The following LMNTD1 variants were observed in gnomAD, a reference collection of about 807,000 sequenced individuals.
The protein encoded by LMNTD1 is lamin tail domain-containing protein 1.
A neutral mutation model predicts 50.9 loss-of-function variants in LMNTD1; 35 were observed. That is an observed-to-expected ratio of 0.69 (90% CI 0.53 to 0.91). The LOEUF (loss-of-function observed/expected upper bound fraction) is 0.91, where lower values mean the gene tolerates loss of function less well. Ranked by LOEUF, LMNTD1 falls within the 40% of genes least tolerant of loss-of-function variation. The pLI, the probability that LMNTD1 is intolerant of heterozygous loss-of-function variation, is 0.00. For missense variants in LMNTD1, 470 were observed against 475.5 expected, an observed-to-expected ratio of 0.99 and a Z score of 0.11; for synonymous variants, 153 against 161.9, an observed-to-expected ratio of 0.94 and a Z score of 0.42.
upstream of LMNTD1, among the ~76,000 whole-genome samples, chr12:25,555,066 A>T (rs1188753123): frequency 7.5e-6 from 1 of 132,718 alleles, no homozygotes; most frequent in East Asian, 2.1e-4. Flanking sequence ...CTCCGTCATT[A>T]AAAAAAAAAA....
At chr12:25,480,848 C>T (rs915996264) in intron 9 of LMNTD1, among the ~76,000 whole-genome samples, 5 of 152,182 alleles carry the variant, frequency 3.3e-5, no homozygotes, top group African/African-American at 2.4e-5. Flanking sequence ...TGTGGGTCAA[C>T]CATGAGGTAA....
intron 8 of LMNTD1, among the ~76,000 whole-genome samples, chr12:25,515,698 C>CATA (rs1380002665): frequency 6.6e-6 from 1 of 152,048 alleles, no homozygotes; most frequent in African/African-American, 2.4e-5. Context: ...ATGTGTTCAG[C>CATA]ATGAGTTGGA....
intron 1 of LMNTD1, among the ~76,000 whole-genome samples, chr12:25,611,456 AGGAAGTTTGTCCACACTGGAATC>A (rs1169148458): frequency 1.3e-5 from 2 of 152,212 alleles, no homozygotes; most frequent in Non-Finnish European, 2.9e-5. Context: ...ACTAGGATGA[AGGAAGTTTGTCCACACTGGAATC>A]CTCGACTATG....
intron 1 of LMNTD1, among the ~76,000 whole-genome samples, chr12:25,629,782 G>C (rs1177671198): frequency 6.6e-6 from 1 of 152,124 alleles, no homozygotes; most frequent in African/African-American, 2.4e-5. Flanking sequence ...CAAAATGGCA[G>C]ACCAGGTAGA....
chr12:25,481,043 C>A (rs1043950519), intron 9 of LMNTD1, among the ~76,000 whole-genome samples: 2 of 150,266 alleles, frequency 1.3e-5, no homozygotes, highest in African/African-American at 5.0e-5. Context: ...CCCAGTTATA[C>A]CCCCCTCTTA....
chr12:25,505,711 T>G (rs1416985190), intron 8 of LMNTD1, among the ~76,000 whole-genome samples: 1 of 152,172 alleles, frequency 6.6e-6, no homozygotes, highest in Non-Finnish European at 1.5e-5. Context: ...TTCCTTCAAA[T>G]TATTGTTTTC....
At chr12:25,575,842 C>T (rs544737310) in intron 1 of LMNTD1, among the ~76,000 whole-genome samples, 1 of 152,232 alleles carries the variant, frequency 6.6e-6, no homozygotes, top group South Asian at 2.1e-4. Context: ...TCCCTCCTCC[C>T]CCAACACCAT....
upstream of LMNTD1, chr12:25,557,319 T>G (rs1032541129): frequency 6.6e-6 from 1 of 152,200 alleles, no homozygotes; most frequent in Non-Finnish European, 1.5e-5. Flanking sequence ...GTTTCAAGTT[T>G]CAGACAGTTT....
rs1305453747 is a variant in LMNTD1 at position 25,549,474 on chromosome 12, T to C, written c.162A>G (p.Thr54=). The change falls in exon 3 of 10, where the codon ACA becomes ACG. Residue 54 remains threonine, a synonymous_variant. Coordinates refer to ENST00000458174, the MANE Select transcript of LMNTD1 (RefSeq NM_001145728.2). The part of the protein sequence containing the change: ...SPKMLGSVAT[T]LPLSSSNSSG... ...TGGAATTTGAAGATGACAATGGCAG[T>C]GTTGTGGCAACTGAACCCAACATCT... The C allele has an allele frequency of 6.2e-7, 1 of 1,613,312 alleles. No homozygotes were observed. The highest frequency in any genetic ancestry group is 8.5e-7 in the Non-Finnish European group (1 of 1,179,532).
At chr12:25,502,132 G>T (rs1297544994) in intron 9 of LMNTD1, among the ~76,000 whole-genome samples, 1 of 152,078 alleles carries the variant, frequency 6.6e-6, no homozygotes, top group Non-Finnish European at 1.5e-5. Flanking sequence ...AATAACCGAG[G>T]AAGATCAACG....
chr12:25,495,249 C>CATGTGTGTGT (rs71449919), intron 9 of LMNTD1, among the ~76,000 whole-genome samples: 22 of 144,770 alleles, frequency 1.5e-4, no homozygotes, highest in Admixed American at 3.5e-4. Flanking sequence ...AAAGTGTGTA[C>CATGTGTGTGT]GTGTGTGTGT....
At chr12:25,613,948 G>A (rs931676454) in intron 1 of LMNTD1, among the ~76,000 whole-genome samples, 7 of 151,890 alleles carry the variant, frequency 4.6e-5, no homozygotes, top group Non-Finnish European at 8.8e-5. Flanking sequence ...GAAGATAGGC[G>A]GAAGCATTGG....
intron 9 of LMNTD1, among the ~76,000 whole-genome samples, chr12:25,490,781 C>G (rs558800880): frequency 2.0e-5 from 3 of 152,252 alleles, no homozygotes; most frequent in East Asian, 1.9e-4. Context: ...GAGATTTGTG[C>G]TTCTCTAAAT....
At chr12:25,605,539 C>A (rs1946079217) in intron 1 of LMNTD1, among the ~76,000 whole-genome samples, 1 of 152,166 alleles carries the variant, frequency 6.6e-6, no homozygotes, top group Admixed American at 6.5e-5. Context: ...AGGAAGGGAT[C>A]CAGTTTCAGC....
At chr12:25,585,138 TC>T (rs375825089) in intron 1 of LMNTD1, among the ~76,000 whole-genome samples, 3 of 152,302 alleles carry the variant, frequency 2.0e-5, no homozygotes, top group African/African-American at 7.2e-5. Flanking sequence ...GACAGTTGTG[TC>T]CCATGGACTC....
chr12:25,583,804 G>A (rs1361495151), intron 1 of LMNTD1, among the ~76,000 whole-genome samples: 2 of 152,188 alleles, frequency 1.3e-5, no homozygotes, highest in Non-Finnish European at 2.9e-5. Context: ...CAGAGCCTCA[G>A]GGTCTTATCA....
At chr12:25,561,226 T>C (rs545773105) in intron 1 of LMNTD1, among the ~76,000 whole-genome samples, 1 of 152,342 alleles carries the variant, frequency 6.6e-6, no homozygotes, top group African/African-American at 2.4e-5. Context: ...TTCTTTTAAT[T>C]GTGATGTTAG....
chr12:25,607,221 C>G (rs921168365), intron 1 of LMNTD1, among the ~76,000 whole-genome samples: 1 of 152,146 alleles, frequency 6.6e-6, no homozygotes, highest in African/African-American at 2.4e-5. Context: ...ATTCTTCTCT[C>G]TTTTCTTCTT....
At chr12:25,549,976 T>G (rs1943659948) in intron 2 of LMNTD1, among the ~76,000 whole-genome samples, 1 of 152,190 alleles carries the variant, frequency 6.6e-6, no homozygotes, top group Non-Finnish European at 1.5e-5. Flanking sequence ...ATCATGATTA[T>G]AATTCTGGTT....
Sources: allele counts gnomAD v4.1 joint callset (sites outside exome capture counted in the v4.1 genomes callset), GRCh38; gene constraint gnomAD v4.1.1; transcripts MANE v1.5; gene names NCBI Gene and HGNC (gene_info 2026-07-23, HGNC 2026-07-21).